Variants in CCDC91 observed in about 807,000 individuals in gnomAD.
CCDC91 encodes coiled-coil domain containing 91, also known as coiled-coil domain-containing protein 91.
CCDC91 carries 48 observed loss-of-function variants against 63.2 expected under a neutral mutation model. The ratio of observed to expected loss-of-function variants is 0.76; its 90% confidence interval spans 0.60 to 0.97. The LOEUF is 0.97. Among genes scored for constraint, CCDC91 ranks in the 50% least tolerant of loss-of-function variants. CCDC91 has a pLI of 0.00. For missense variants in CCDC91, 500 were observed against 494.6 expected (o/e 1.01, Z -0.10); for synonymous variants, 167 against 165.8 (o/e 1.01, Z -0.06).
At position 28,305,784 on chromosome 12, in the gene CCDC91, G is replaced by C. The variant is rs1331676570; in HGVS notation, c.245G>C (p.Ser82Thr). The change falls in exon 4 of 13, where the codon AGT becomes ACT. Residue 82 changes from serine to threonine, a missense_variant. Physicochemically the swap from Ser to Thr is moderately conservative, Grantham distance 58 (BLOSUM62 1). Coordinates refer to ENST00000536442, the MANE Select transcript of CCDC91 (RefSeq NM_018318.5). The part of the protein sequence containing the change: ...ENTHAANSIV[S>T]QTIPKAQIQQ... Reference sequence around the variant, plus strand: ...ACACATGCAGCAAATAGCATTGTGAGTCAAACTATTCCAAAAGCACAGGTA... The same window carrying C: ...ACACATGCAGCAAATAGCATTGTGACTCAAACTATTCCAAAAGCACAGGTA... 6.2e-7 allele frequency: 1 copy of C among 1,612,564 alleles called. No homozygotes were observed. The highest frequency in any genetic ancestry group is 8.5e-7 in the Non-Finnish European group (1 of 1,179,098).
In CCDC91 at chr12:28,391,326, A is replaced by C. The variant is rs1355840796; in HGVS notation, c.677A>C (p.Lys226Thr). Residue 226 changes from lysine (K) to threonine (T), a missense_variant, in exon 8 of 13, where the codon AAG (lysine) becomes ACG (threonine). Transcript: ENST00000536442. Reference protein sequence around the residue: ...EYKALLQSSVKQQVEAIEKQY... With the variant: ...EYKALLQSSVTQQVEAIEKQY... ...CAGGCACTACTGCAGTCTTCAGTTAAGCAACAAGTAGAAGCTATTGAAAAA... is the reference window on the plus strand; with the variant it reads ...CAGGCACTACTGCAGTCTTCAGTTACGCAACAAGTAGAAGCTATTGAAAAA... 1 of 1,612,634 alleles carries C rather than the reference A, an allele frequency of 6.2e-7. No homozygotes were observed. The highest frequency in any genetic ancestry group is 8.5e-7 in the Non-Finnish European group (1 of 1,178,830).
chr12:28,332,916 A>G (rs190007466), intron 6 of CCDC91, among the ~76,000 whole-genome samples: 1 of 152,188 alleles, frequency 6.6e-6, no homozygotes, highest in Admixed American at 6.6e-5. Flanking sequence ...GCACCTTACT[A>G]CTATGCTTGG....
intron 11 of CCDC91, among the ~76,000 whole-genome samples, chr12:28,468,908 T>G (rs1360328775): frequency 1.3e-5 from 2 of 151,928 alleles, no homozygotes; most frequent in Admixed American, 6.6e-5. Context: ...TAAAAACCCT[T>G]AAAAAACTGG....
chr12:28,200,231 C>G (rs947419281), intron 1 of CCDC91, among the ~76,000 whole-genome samples: 17 of 141,066 alleles, frequency 1.2e-4, no homozygotes, highest in African/African-American at 3.9e-4. Flanking sequence ...TTGAACTCTT[C>G]TAGTGAATTT....
At chr12:28,285,077 G>A (rs1486380417) in intron 3 of CCDC91, among the ~76,000 whole-genome samples, 1 of 152,142 alleles carries the variant, frequency 6.6e-6, no homozygotes, top group Non-Finnish European at 1.5e-5. Flanking sequence ...TGTTTGACAG[G>A]ATAATTTAGG....
chr12:28,314,988 C>T (rs952668027), intron 6 of CCDC91, among the ~76,000 whole-genome samples: 2 of 151,740 alleles, frequency 1.3e-5, no homozygotes, highest in Admixed American at 1.3e-4. Flanking sequence ...ATTTGGAAGA[C>T]CTCTTTGTCA....
chr12:28,285,010 G>A (rs1364802539), intron 3 of CCDC91, among the ~76,000 whole-genome samples: 1 of 152,132 alleles, frequency 6.6e-6, no homozygotes, highest in African/African-American at 2.4e-5. Flanking sequence ...GAGGGTTGGT[G>A]GAAAGAGCAC....
At chr12:28,303,936 T>C (rs1330565077) in intron 3 of CCDC91, among the ~76,000 whole-genome samples, 1 of 152,110 alleles carries the variant, frequency 6.6e-6, no homozygotes, top group African/African-American at 2.4e-5. Context: ...GATACAGAAT[T>C]AGAAGTGGGA....
At chr12:28,477,684 C>T (rs892893729) in intron 11 of CCDC91, among the ~76,000 whole-genome samples, 2 of 152,150 alleles carry the variant, frequency 1.3e-5, no homozygotes, top group Non-Finnish European at 2.9e-5. Context: ...TCCCTGTTTG[C>T]AGATGACATG....
chr12:28,251,971 A>C (rs1030103540), intron 1 of CCDC91, among the ~76,000 whole-genome samples: 2 of 152,134 alleles, frequency 1.3e-5, no homozygotes, highest in East Asian at 3.8e-4. Flanking sequence ...CTTTTAAAGA[A>C]AGTGTGCAAT....
chr12:28,490,858 T>A (rs1951962057), intron 12 of CCDC91, among the ~76,000 whole-genome samples: 1 of 151,804 alleles, frequency 6.6e-6, no homozygotes, highest in Non-Finnish European at 1.5e-5. Context: ...ATAAGAATAA[T>A]CTTGAAAAAA....
intron 12 of CCDC91, among the ~76,000 whole-genome samples, chr12:28,528,145 CAA>C (rs1199019803): frequency 1.3e-5 from 2 of 152,186 alleles, no homozygotes; most frequent in East Asian, 3.9e-4. Context: ...CAAATTGTTG[CAA>C]AGTTCCACTG....
At chr12:28,270,105 C>T (rs570569510) in intron 3 of CCDC91, among the ~76,000 whole-genome samples, 59 of 151,708 alleles carry the variant, frequency 3.9e-4, no homozygotes, top group African/African-American at 4.1e-4. Flanking sequence ...TACATTAAAA[C>T]GGAAAATCTT....
At chr12:28,516,261 G>C (rs1414142112) in intron 12 of CCDC91, among the ~76,000 whole-genome samples, 1 of 151,840 alleles carries the variant, frequency 6.6e-6, no homozygotes, top group Non-Finnish European at 1.5e-5. Context: ...GGTCTGTTTT[G>C]TGCTGCTATA....
chr12:28,228,204 C>A (rs1310581585), intron 1 of CCDC91, among the ~76,000 whole-genome samples: 2 of 151,964 alleles, frequency 1.3e-5, no homozygotes, highest in African/African-American at 4.8e-5. Flanking sequence ...TAAACCTGTC[C>A]TTTTGGCTAT....
chr12:28,548,566 T>A (rs1188314605), intron 12 of CCDC91, among the ~76,000 whole-genome samples: 1 of 152,134 alleles, frequency 6.6e-6, no homozygotes, highest in Non-Finnish European at 1.5e-5. Context: ...CCTCTGCACC[T>A]GGCCTCAAAT....
chr12:28,377,343 C>A (rs1241351384), intron 7 of CCDC91, among the ~76,000 whole-genome samples: 1 of 151,260 alleles, frequency 6.6e-6, no homozygotes, highest in Non-Finnish European at 1.5e-5. Context: ...ACAAATTATA[C>A]CACATAGGAA....
intron 7 of CCDC91, among the ~76,000 whole-genome samples, chr12:28,385,271 G>C (rs1477213601): frequency 6.6e-6 from 1 of 152,058 alleles, no homozygotes; most frequent in African/African-American, 2.4e-5. Flanking sequence ...GCTAAACTAA[G>C]TGTATAATTA....
intron 1 of CCDC91, among the ~76,000 whole-genome samples, chr12:28,239,868 T>G (rs1945225773): frequency 6.6e-6 from 1 of 152,088 alleles, no homozygotes. Flanking sequence ...GAAAACAGTG[T>G]GGGGGGATTA....
Sources: allele counts gnomAD v4.1 joint callset (sites outside exome capture counted in the v4.1 genomes callset), GRCh38; gene constraint gnomAD v4.1.1; transcripts MANE v1.5; gene names NCBI Gene and HGNC (gene_info 2026-07-23, HGNC 2026-07-21).